Variants in ECSCR observed in about 807,000 individuals in gnomAD.
The protein encoded by ECSCR is endothelial cell surface expressed chemotaxis and apoptosis regulator.
A neutral mutation model predicts 16.7 loss-of-function variants in ECSCR; 12 were observed. The ratio of observed to expected loss-of-function variants is 0.72; its 90% CI spans 0.46 to 1.17. The LOEUF is 1.17. Among genes scored for constraint, ECSCR ranks in the 50% most tolerant of loss-of-function variants. The pLI is 0.00. For missense variants in ECSCR, 122 were observed against 116.1 expected (o/e 1.05, Z -0.23); for synonymous variants, 44 against 42.2 (o/e 1.04, Z -0.17).
rs750236234 is a variant in ECSCR, at chr5:139,461,560, G to A, written c.61+1050C>T. Among the ~76,000 whole-genome samples, 221 of 152,298 alleles carry A rather than the reference G, an allele frequency of 1.5e-3. 6 individuals carry two copies. The highest frequency in any genetic ancestry group is 1.4e-3 in the Admixed American group (21 of 15,310). ...GAGGCTGGGAAAAGTCTCGGCCTGT[G>A]AAAATGCCACCTCATGAGCTTCACC... On this transcript the variant is annotated intron_variant, in intron 1 of 9. Transcript: ENST00000618155.
chr5:139,451,683 G>A (rs1162361792), intron 8 of ECSCR, among the ~76,000 whole-genome samples: 2 of 140,336 alleles, frequency 1.4e-5, no homozygotes, highest in African/African-American at 2.7e-5. Flanking sequence ...GGGGTGTGGG[G>A]TGTGTGATGT....
Position 139,448,925 on chromosome 5 carries a change from T to C in ECSCR, c.610-17A>G. Reference sequence around the variant, plus strand: ...TTAAAGAACCTGCAAAATAAATGCATAATGGGGAAGGGTGAACTTTTTAGG... The same window carrying C: ...TTAAAGAACCTGCAAAATAAATGCACAATGGGGAAGGGTGAACTTTTTAGG... On this transcript the variant is annotated splice_polypyrimidine_tract_variant and intron_variant, in intron 9 of 9. Transcript: ENST00000618155. 6.5e-7 allele frequency: 1 copy of C among 1,537,056 alleles called. No individual in the cohort carries two copies. The highest frequency in any genetic ancestry group is 8.7e-7 in the Non-Finnish European group (1 of 1,146,884).
intron 8 of ECSCR, among the ~76,000 whole-genome samples, chr5:139,452,301 TG>T (rs1400371542): frequency 4.3e-5 from 6 of 138,356 alleles, no homozygotes; most frequent in African/African-American, 1.4e-4. Context: ...GGTAGGTTTG[TG>T]GTGTGTGTGT....
chr5:139,459,145 C>T (rs1286867281), intron 1 of ECSCR, among the ~76,000 whole-genome samples: 3 of 152,152 alleles, frequency 2.0e-5, no homozygotes, highest in Non-Finnish European at 4.4e-5. Context: ...TGACCTGCCA[C>T]ACCTAGACAA....
intron 1 of ECSCR, among the ~76,000 whole-genome samples, chr5:139,461,116 C>A (rs987237980): frequency 2.0e-5 from 3 of 152,166 alleles, no homozygotes; most frequent in Admixed American, 1.3e-4. Flanking sequence ...GAGCCATGAT[C>A]ATGCCACTGC....
chr5:139,457,568 T>G lies in ECSCR; in HGVS notation c.194A>C (p.His65Pro), dbSNP rs763798177. 6.3e-6 allele frequency: 5 copies of G among 796,504 alleles called. No individual in the cohort carries two copies. The Admixed American group carries it at 8.5e-5, about 13-fold the overall frequency. The allele number at this position is 796,504 out of a possible 1,614,324, so 49.3% of individuals were successfully genotyped here. A position where few individuals can be genotyped will look rare whatever the true frequency, so the allele number is the denominator to read the frequency against. The part of the protein sequence containing the change: ...IPSSEANRPS[H>P]LSSTGTPGAG... ...ACCTGGGGTACCAGTGCTGGACAGA[T>G]GGCTTGGCCTGTTAGCCTCTGAGGA... The change falls in exon 4 of 10, where the codon CAT (histidine) becomes CCT (proline). Residue 65 changes from histidine to proline, a missense_variant. Transcript: ENST00000618155.
intron 5 of ECSCR, among the ~76,000 whole-genome samples, chr5:139,456,252 G>A (rs1751156601): frequency 6.6e-6 from 1 of 152,082 alleles, no homozygotes; most frequent in Non-Finnish European, 1.5e-5. Flanking sequence ...GACAGAACAA[G>A]ACTCCTTCTC....
chr5:139,450,495 A>G (rs1751015565), intron 8 of ECSCR, among the ~76,000 whole-genome samples: 1 of 109,502 alleles, frequency 9.1e-6, no homozygotes. Context: ...AAAAAAAAAA[A>G]GGCTGGGCAT....
At chr5:139,457,423 G>T in intron 4 of ECSCR, 122 bp downstream of exon 4, 1 of 745,844 alleles carries the variant, frequency 1.3e-6, no homozygotes. Context: ...TCCTCAGTGT[G>T]AGGGTCTATT....
intron 8 of ECSCR, among the ~76,000 whole-genome samples, chr5:139,451,196 G>A (rs1751035159): frequency 1.3e-5 from 2 of 150,564 alleles, no homozygotes; most frequent in Non-Finnish European, 3.0e-5. Flanking sequence ...TGTATGTGGT[G>A]TGGGGTGTGT....
intron 8 of ECSCR, among the ~76,000 whole-genome samples, chr5:139,449,554 G>A (rs1750985003): frequency 6.6e-6 from 1 of 152,052 alleles, no homozygotes; most frequent in Non-Finnish European, 1.5e-5. Flanking sequence ...GGCCAGGCTG[G>A]TCTTGAATGC....
intron 1 of ECSCR, among the ~76,000 whole-genome samples, chr5:139,458,500 CAAAAAAAAAAAAAAAAAAA>C (rs397882364): frequency 1.2e-5 from 1 of 85,380 alleles, no homozygotes; most frequent in Non-Finnish European, 1.9e-5. Context: ...CCTATCTCAA[CAAAAAAAAAAAAAAAAAAA>C]AAAAAAAAAA....
At chr5:139,451,535 T>C (rs1751048819) in intron 8 of ECSCR, among the ~76,000 whole-genome samples, 1 of 144,680 alleles carries the variant, frequency 6.9e-6, no homozygotes, top group South Asian at 2.2e-4. Context: ...AAGTGTGTGG[T>C]GTGTGTGTAG....
intron 4 of ECSCR, 34 bp downstream of exon 4, chr5:139,457,511 C>A: frequency 1.3e-6 from 1 of 781,528 alleles, no homozygotes; most frequent in South Asian, 1.3e-5. Flanking sequence ...TGGGCCCTCC[C>A]TGGATGGCAT....
At chr5:139,450,042 C>T (rs1751005511) in intron 8 of ECSCR, among the ~76,000 whole-genome samples, 1 of 152,060 alleles carries the variant, frequency 6.6e-6, no homozygotes, top group African/African-American at 2.4e-5. Flanking sequence ...TTATAGGCAC[C>T]TGCCACCGTG....
chr5:139,452,533 T>TGTGGA (rs2152088635), intron 8 of ECSCR, among the ~76,000 whole-genome samples: 5 of 542 alleles, frequency 9.2e-3, no homozygotes, highest in East Asian at 0.043. Flanking sequence ...TAGTATGGAG[T>TGTGGA]GTGTGTGGTG....
rs140031399 is a variant in ECSCR, at chr5:139,451,111, G to A, written c.513-1937C>T. Reference sequence around the variant, plus strand: ...GGTATGTGTGTGTGGTGTGAGGGGTGTATATGTGTGGTATGGGGTATGTGG... The same window carrying A: ...GGTATGTGTGTGTGGTGTGAGGGGTATATATGTGTGGTATGGGGTATGTGG... On this transcript the variant is annotated intron_variant, in intron 8 of 9. Coordinates refer to ENST00000618155, the MANE Select transcript of ECSCR (RefSeq NM_001077693.4). Among the ~76,000 whole-genome samples the A allele has an allele frequency of 4.6e-5, 7 of 151,276 alleles. No homozygotes were observed. In the East Asian group the frequency reaches 1.4e-3, roughly 30 times the overall value.
intron 2 of ECSCR, 68 bp downstream of exon 2, chr5:139,458,069 TAG>T: frequency 6.7e-7 from 1 of 1,486,936 alleles, no homozygotes; most frequent in Admixed American, 2.0e-5. Context: ...TAAATTGGCA[TAG>T]AGCTCCTCTC....
At chr5:139,458,308 A>G in intron 1 of ECSCR, 125 bp from the exon 2 acceptor site, 1 of 929,784 alleles carries the variant, frequency 1.1e-6, no homozygotes. Context: ...CTCTAAAAAA[A>G]AATTTTGTTT....
Sources: allele counts gnomAD v4.1 joint callset (sites outside exome capture counted in the v4.1 genomes callset), GRCh38; gene constraint gnomAD v4.1.1; transcripts MANE v1.5; gene names NCBI Gene and HGNC (gene_info 2026-07-23, HGNC 2026-07-21).